SRSF12: variants seen among roughly 807,000 people sequenced by gnomAD.
SRSF12 encodes serine and arginine rich splicing factor 12, also known as serine/arginine-rich splicing factor 12.
A neutral mutation model predicts 34.1 loss-of-function variants in SRSF12; 21 were observed. The ratio of observed to expected loss-of-function variants is 0.62; its 90% confidence interval spans 0.44 to 0.89. The LOEUF (loss-of-function observed/expected upper bound fraction) is 0.89. Among genes scored for constraint, SRSF12 ranks in the 40% least tolerant of loss-of-function variants. The pLI, the probability that SRSF12 is intolerant of heterozygous loss-of-function variation, is 0.00. For missense variants in SRSF12, 278 were observed against 327.8 expected, an observed-to-expected ratio of 0.85 and a Z score of 1.17; for synonymous variants, 111 against 110.8, an observed-to-expected ratio of 1.00 and a Z score of -0.01.
At chr6:89,104,170 T>C (rs1304764750) in intron 4 of SRSF12, among the ~76,000 whole-genome samples, 1 of 151,622 alleles carries the variant, frequency 6.6e-6, no homozygotes, top group Non-Finnish European at 1.5e-5. Flanking sequence ...AAGTTGAAGA[T>C]TACAAACTGT....
At chr6:89,114,516 A>C (rs568562705) in intron 1 of SRSF12, among the ~76,000 whole-genome samples, 1 of 152,318 alleles carries the variant, frequency 6.6e-6, no homozygotes, top group East Asian at 1.9e-4. Context: ...TATGGCACCT[A>C]GTACACAGTG....
chr6:89,115,837 G>A (rs1001445534), intron 1 of SRSF12, among the ~76,000 whole-genome samples: 14 of 151,108 alleles, frequency 9.3e-5, no homozygotes, highest in Non-Finnish European at 1.9e-4. Flanking sequence ...GGGTTTCATC[G>A]TGCTAGCCAG....
chr6:89,099,439 T>TATATGTGTGTATATAC (rs1562191966), intron 4 of SRSF12, among the ~76,000 whole-genome samples: 6 of 127,466 alleles, frequency 4.7e-5, no homozygotes, highest in Admixed American at 1.6e-4. Context: ...TGTATATATA[T>TATATGTGTGTATATAC]ACACATATAT....
chr6:89,100,522 TAA>T (rs35086229), intron 4 of SRSF12, among the ~76,000 whole-genome samples: 99,199 of 144,662 alleles, frequency 0.69, 33,796 homozygotes, highest in East Asian at 0.78. Flanking sequence ...CATGTTATGT[TAA>T]AAAAAAAAAA....
chr6:89,117,911 G>A lies in SRSF12; in HGVS notation c.-24C>T. ...ATGACCGCTTCCTCCGTTCCCTCCG[G>A]GTCTGCCCGCGGCCGCTGGACTCGC... On this transcript the variant is annotated 5_prime_UTR_variant, in exon 1 of 5. Transcript: ENST00000452027. 6.4e-7 allele frequency: 1 copy of A among 1,555,040 alleles called. No individual in the cohort carries two copies. Among genetic ancestry groups the A allele is most frequent in the South Asian group, 1.2e-5 (1 of 85,050 alleles).
intron 2 of SRSF12, chr6:89,106,784 C>T: frequency 2.8e-6 from 1 of 355,136 alleles, no homozygotes; most frequent in Non-Finnish European, 5.5e-6. Flanking sequence ...GGCTTTGACT[C>T]TGGAACTCTG....
At chr6:89,117,681 CTCCCCA>C in intron 1 of SRSF12, 136 bp downstream of exon 1, 1 of 781,946 alleles carries the variant, frequency 1.3e-6, no homozygotes, top group Non-Finnish European at 1.8e-6. Context: ...GGGCTCACAC[CTCCCCA>C]AGTGGCGCAG....
chr6:89,105,624 T>G lies in SRSF12; in HGVS notation c.171-94A>C, dbSNP rs1017249958. On this transcript the variant is annotated intron_variant, in intron 2 of 4. Transcript: ENST00000452027. Reference sequence around the variant, plus strand: ...ATGTGAAATGAAATTAATAGGAAAATCAAGTTCAAGTTATTAAGCTCACAT... The same window carrying G: ...ATGTGAAATGAAATTAATAGGAAAAGCAAGTTCAAGTTATTAAGCTCACAT... The G allele has an allele frequency of 6.9e-6, 6 of 870,770 alleles. No individual in the cohort carries two copies. In the African/African-American group the frequency reaches 1.0e-4, roughly 15 times the overall value. The allele number at this position is 870,770 out of a possible 1,614,324, so 53.9% of individuals were successfully genotyped here. A position where few individuals can be genotyped will look rare whatever the true frequency, so the allele number is the denominator to read the frequency against.
chr6:89,113,561 G>A (rs746268125), intron 1 of SRSF12, among the ~76,000 whole-genome samples: 8 of 152,046 alleles, frequency 5.3e-5, no homozygotes, highest in Non-Finnish European at 8.8e-5. Flanking sequence ...CACGTGCCTC[G>A]GCCTCCCAAA....
In SRSF12 at chr6:89,097,674, C is replaced by G. The variant is rs1009781336; in HGVS notation, c.*904G>C. 4.0e-5 allele frequency: 6 copies of G among 151,848 alleles called. No individual in the cohort carries two copies. Among genetic ancestry groups the G allele is most frequent in the Non-Finnish European group, 8.8e-5 (6 of 67,974 alleles). The allele number at this position is 151,848 out of a possible 1,614,324, so 9.4% of individuals were successfully genotyped here. A position where few individuals can be genotyped will look rare whatever the true frequency, so the allele number is the denominator to read the frequency against. Reference sequence around the variant, plus strand: ...TGGCCAAGTTTCTTAATACAAGGTACTAAACACTCTTTCAAAAATAATAAG... The same window carrying G: ...TGGCCAAGTTTCTTAATACAAGGTAGTAAACACTCTTTCAAAAATAATAAG... On this transcript the variant is annotated 3_prime_UTR_variant, in exon 5 of 5. Transcript: ENST00000452027.
rs1203774566 is a variant in SRSF12, at chr6:89,096,975, T to C, written c.*1603A>G. 2.0e-5 allele frequency: 3 copies of C among 152,348 alleles called. No individual in the cohort carries two copies. The highest frequency in any genetic ancestry group is 4.4e-5 in the Non-Finnish European group (3 of 68,034). 9.4% of individuals were successfully genotyped at this position (152,348 alleles called of 1,614,324 possible). Reference sequence around the variant, plus strand: ...CGGAATAATTCAAAGAGTTGTAGTTTTGAAATAAATTTTGCTATGATTAGA... The same window carrying C: ...CGGAATAATTCAAAGAGTTGTAGTTCTGAAATAAATTTTGCTATGATTAGA... On this transcript the variant is annotated 3_prime_UTR_variant, in exon 5 of 5. Transcript: ENST00000452027.
intron 4 of SRSF12, among the ~76,000 whole-genome samples, chr6:89,100,619 A>G (rs1768497811): frequency 1.3e-5 from 2 of 152,180 alleles, no homozygotes; most frequent in African/African-American, 4.8e-5. Flanking sequence ...ATCATCAAAC[A>G]GGAATTTAAA....
chr6:89,104,153 A>ATTT (rs1484752453), intron 4 of SRSF12, among the ~76,000 whole-genome samples: 5 of 149,436 alleles, frequency 3.3e-5, no homozygotes, highest in Admixed American at 6.7e-5. Context: ...ACATTTAAAC[A>ATTT]TTTTTAAAGT....
chr6:89,104,308 C>A (rs1768685799), intron 4 of SRSF12, among the ~76,000 whole-genome samples: 1 of 150,322 alleles, frequency 6.7e-6, no homozygotes, highest in South Asian at 2.1e-4. Flanking sequence ...GTGATCTCAG[C>A]TCACTGCAAC....
intron 4 of SRSF12, among the ~76,000 whole-genome samples, 166 bp downstream of exon 4, chr6:89,104,953 G>A (rs1768718101): frequency 6.6e-6 from 1 of 152,078 alleles, no homozygotes; most frequent in Non-Finnish European, 1.5e-5. Context: ...CTACTTGGGA[G>A]GCTGAGGTGA....
chr6:89,117,764 G>C lies in SRSF12; in HGVS notation c.65+59C>G, dbSNP rs1345716857. The C allele has an allele frequency of 2.7e-6, 4 of 1,485,004 alleles. No homozygotes were observed. The South Asian group carries it at 5.1e-5, about 19-fold the overall frequency. The allele number at this position is 1,485,004 out of a possible 1,614,324, so 92.0% of individuals were successfully genotyped here. ...CCGCCGGGCCTCGGCCGTGCTCCGCGGCGCGGCTGTTACCCCGCCCCTCCT... is the reference window on the plus strand; with the variant it reads ...CCGCCGGGCCTCGGCCGTGCTCCGCCGCGCGGCTGTTACCCCGCCCCTCCT... On this transcript the variant is annotated intron_variant, in intron 1 of 4. Coordinates refer to ENST00000452027, the MANE Select transcript of SRSF12 (RefSeq NM_080743.5).
At chr6:89,117,688 A>T in intron 1 of SRSF12, 135 bp downstream of exon 1, 1 of 842,888 alleles carries the variant, frequency 1.2e-6, no homozygotes, top group South Asian at 2.5e-5. Flanking sequence ...CACCTCCCCA[A>T]GTGGCGCAGC....
At chr6:89,110,113 C>T (rs962308091) in intron 1 of SRSF12, among the ~76,000 whole-genome samples, 2 of 151,998 alleles carry the variant, frequency 1.3e-5, no homozygotes, top group African/African-American at 4.8e-5. Flanking sequence ...TTATTTTCTC[C>T]GTATTTGACA....
At chr6:89,109,786 A>G (rs1486666172) in intron 1 of SRSF12, among the ~76,000 whole-genome samples, 1 of 152,192 alleles carries the variant, frequency 6.6e-6, no homozygotes, top group Admixed American at 6.5e-5. Context: ...ACACCCATGT[A>G]TCTACCAACA....
Sources: gnomAD v4.1 joint callset for allele counts (sites outside exome capture counted in the v4.1 genomes callset) on GRCh38, gnomAD v4.1.1 for gene constraint, MANE v1.5 for transcripts, NCBI Gene and HGNC (gene_info 2026-07-23, HGNC 2026-07-21) for gene names.